The following EVI5 variants were observed in gnomAD, a reference collection of about 807,000 sequenced individuals.
The protein encoded by EVI5 is ecotropic viral integration site 5.
In EVI5, 73 loss-of-function variants were observed where a neutral mutation model predicts 112.0. The observed-to-expected ratio is 0.65, with a 90% CI of 0.54 to 0.79. The LOEUF (loss-of-function observed/expected upper bound fraction) is 0.79. Among genes scored for constraint, EVI5 ranks in the 30% least tolerant of loss-of-function variants. The probability of loss-of-function intolerance (pLI) is 0.00; values close to 1 mark genes in which losing one functional copy is unlikely to be tolerated. For missense variants in EVI5, 900 were observed against 968.8 expected, an observed-to-expected ratio of 0.93 and a Z score of 0.94; for synonymous variants, 305 against 319.9, an observed-to-expected ratio of 0.95 and a Z score of 0.50.
At chr1:92,655,712 C>T (rs1662882000) in intron 13 of EVI5, among the ~76,000 whole-genome samples, 1 of 151,876 alleles carries the variant, frequency 6.6e-6, no homozygotes, top group Admixed American at 6.6e-5. Context: ...AAATCAACAA[C>T]AGTGAAAAAA....
intron 18 of EVI5, among the ~76,000 whole-genome samples, chr1:92,590,105 C>T (rs982613155): frequency 6.6e-6 from 1 of 152,152 alleles, no homozygotes; most frequent in African/African-American, 2.4e-5. Context: ...CACACCAAAA[C>T]CCCATCTGTA....
chr1:92,759,047 G>A (rs1412760090), intron 1 of EVI5, among the ~76,000 whole-genome samples: 2 of 152,088 alleles, frequency 1.3e-5, no homozygotes, highest in Non-Finnish European at 2.9e-5. Context: ...TGGGCAACAT[G>A]GTGAAACCCC....
chr1:92,578,760 T>C (rs898629710), intron 18 of EVI5, among the ~76,000 whole-genome samples: 3 of 150,524 alleles, frequency 2.0e-5, no homozygotes, highest in African/African-American at 7.3e-5. Context: ...AGTGGTTAAG[T>C]AACTTATCAA....
chr1:92,544,326 T>C lies in EVI5; in HGVS notation c.2166+19316A>G, dbSNP rs1665322783. Among the ~76,000 whole-genome samples the C allele has an allele frequency of 2.0e-5, 3 of 152,228 alleles. No homozygotes were observed. In the South Asian group the frequency reaches 6.2e-4, roughly 31 times the overall value. ...TTGTAAACTTTACGTGGGTGCATTG[T>C]ATCATATGTAAATAATGTCTCAGTA... On this transcript the variant is annotated intron_variant, in intron 19 of 19. Coordinates refer to ENST00000684568, the MANE Select transcript of EVI5 (RefSeq NM_001350197.2).
At chr1:92,642,115 AG>A (rs1343151677) in intron 13 of EVI5, among the ~76,000 whole-genome samples, 5 of 152,070 alleles carry the variant, frequency 3.3e-5, no homozygotes, top group Non-Finnish European at 4.4e-5. Flanking sequence ...TGGGCAACAG[AG>A]CGATACTCCA....
intron 16 of EVI5, among the ~76,000 whole-genome samples, chr1:92,614,227 A>C (rs752708133): frequency 2.0e-5 from 3 of 152,180 alleles, no homozygotes; most frequent in Non-Finnish European, 2.9e-5. Flanking sequence ...GCCCATTTCC[A>C]GGCAGAAAAA....
chr1:92,683,073 C>T lies in EVI5; in HGVS notation c.1098-5855G>A, dbSNP rs577528516. ...GGCAAAGGCAGTCATTATTATTAAA[C>T]CAATGAGCCAAATTACATTTACTTC... On this transcript the variant is annotated intron_variant, in intron 9 of 19. Coordinates refer to ENST00000684568, the MANE Select transcript of EVI5 (RefSeq NM_001350197.2). Among the ~76,000 whole-genome samples, 10 of 152,288 alleles carry T rather than the reference C, an allele frequency of 6.6e-5. No individual in the cohort carries two copies. In the East Asian group the frequency reaches 1.9e-3, roughly 29 times the overall value.
intron 18 of EVI5, among the ~76,000 whole-genome samples, chr1:92,586,497 A>T (rs987007302): frequency 6.8e-6 from 1 of 146,872 alleles, no homozygotes; most frequent in Admixed American, 6.8e-5. Context: ...ATACTTCAAA[A>T]TTTTTTTTTT....
intron 13 of EVI5, among the ~76,000 whole-genome samples, chr1:92,657,685 A>G (rs945877500): frequency 6.6e-6 from 1 of 152,086 alleles, no homozygotes; most frequent in Non-Finnish European, 1.5e-5. Context: ...AAAAAAAACT[A>G]AAAAACCTAG....
intron 14 of EVI5, among the ~76,000 whole-genome samples, chr1:92,632,265 C>G (rs1657335466): frequency 6.6e-6 from 1 of 152,134 alleles, no homozygotes; most frequent in African/African-American, 2.4e-5. Context: ...GGTACCAGCT[C>G]CTCCTTGTAC....
chr1:92,761,738 T>C (rs759788783), intron 1 of EVI5, among the ~76,000 whole-genome samples: 1 of 152,192 alleles, frequency 6.6e-6, no homozygotes, highest in African/African-American at 2.4e-5. Context: ...CCCAAGTAGC[T>C]TGGACTACAG....
At chr1:92,524,829 T>TC (rs1383893357) in intron 19 of EVI5, among the ~76,000 whole-genome samples, 2 of 100,022 alleles carry the variant, frequency 2.0e-5, no homozygotes, top group African/African-American at 7.0e-5. Flanking sequence ...GATTAACTAC[T>TC]TTTTTTTTTT....
At chr1:92,614,105 GC>G (rs1215388631) in intron 16 of EVI5, among the ~76,000 whole-genome samples, 1 of 152,164 alleles carries the variant, frequency 6.6e-6, no homozygotes, top group Non-Finnish European at 1.5e-5. Context: ...GGAATTTGAA[GC>G]CTATGGTGCA....
At chr1:92,533,200 A>G (rs1195619880) in intron 19 of EVI5, among the ~76,000 whole-genome samples, 2 of 152,334 alleles carry the variant, frequency 1.3e-5, no homozygotes, top group South Asian at 4.1e-4. Context: ...GAATAAATGG[A>G]TAAGTTCCTG....
At chr1:92,636,916 T>G (rs1484007213) in intron 13 of EVI5, among the ~76,000 whole-genome samples, 1 of 152,212 alleles carries the variant, frequency 6.6e-6, no homozygotes, top group East Asian at 1.9e-4. Context: ...TAGAAAATCT[T>G]AAATTGCATA....
chr1:92,584,297 T>C (rs992303135), intron 18 of EVI5, among the ~76,000 whole-genome samples: 7 of 152,192 alleles, frequency 4.6e-5, no homozygotes, highest in Admixed American at 1.3e-4. Context: ...TATGAAACTA[T>C]GTTCAACGGT....
At chr1:92,769,464 C>T (rs543776942) in intron 1 of EVI5, among the ~76,000 whole-genome samples, 15 of 152,234 alleles carry the variant, frequency 9.9e-5, no homozygotes, top group South Asian at 8.3e-4. Flanking sequence ...GATTAATTCC[C>T]TCCCTCCTCT....
chr1:92,702,632 CCT>C (rs1671363627), intron 4 of EVI5, among the ~76,000 whole-genome samples: 1 of 151,638 alleles, frequency 6.6e-6, no homozygotes. Context: ...ATAGTGAAAC[CCT>C]GTCTCTACTA....
At chr1:92,717,640 CG>C (rs1558138233) in intron 2 of EVI5, among the ~76,000 whole-genome samples, 1 of 152,082 alleles carries the variant, frequency 6.6e-6, no homozygotes, top group East Asian at 1.9e-4. Context: ...TATCAATTAA[CG>C]GGCAAAATAA....
Sources: gnomAD v4.1 joint callset for allele counts (sites outside exome capture counted in the v4.1 genomes callset) on GRCh38, gnomAD v4.1.1 for gene constraint, MANE v1.5 for transcripts, NCBI Gene and HGNC (gene_info 2026-07-23, HGNC 2026-07-21) for gene names.